The following COL4A5 variants were observed in gnomAD, a reference collection of about 807,000 sequenced individuals.
The protein encoded by COL4A5 is collagen type IV alpha 5 chain.
In COL4A5, 26 loss-of-function variants were observed where a neutral mutation model predicts 130.2. That is an observed-to-expected ratio of 0.20 (90% confidence interval 0.15 to 0.28). The LOEUF (loss-of-function observed/expected upper bound fraction) is 0.28. Among genes scored for constraint, COL4A5 ranks in the 10% least tolerant of loss-of-function variants. The pLI is 1.00. For synonymous variants in COL4A5, 496 were observed against 439.6 expected (o/e 1.13, Z -1.60); for missense variants, 1,131 against 1,344.3 (o/e 0.84, Z 2.48).
In COL4A5 at chrX:108,606,925, T is replaced by C. The variant is rs2066738869; in HGVS notation, c.2395+33T>C. 6 of 1,204,286 alleles carry C rather than the reference T, an allele frequency of 5.0e-6. No homozygotes were observed. The East Asian group carries it at 1.8e-4, about 36-fold the overall frequency. On this transcript the variant is annotated intron_variant, in intron 29 of 52. Transcript: ENST00000328300. Reference sequence around the variant, plus strand: ...GGCTGTCACTGCATCTCAACTTGCTTTTAACTTTTATAGAAATTGACACCT... The same window carrying C: ...GGCTGTCACTGCATCTCAACTTGCTCTTAACTTTTATAGAAATTGACACCT...
At chrX:108,517,802 A>G (rs985016444) in intron 1 of COL4A5, among the ~76,000 whole-genome samples, 10 of 111,806 alleles carry the variant, frequency 8.9e-5, no homozygotes, top group African/African-American at 1.9e-4. Flanking sequence ...ATGTGAAAAA[A>G]TACATCTTAT....
Position 108,696,449 on chromosome X carries a change from C to T in COL4A5, c.*71C>T. The T allele has an allele frequency of 1.2e-6, 1 of 838,487 alleles. No homozygotes were observed. The highest frequency in any genetic ancestry group is 1.7e-6 in the Non-Finnish European group (1 of 575,894). 69.1% of individuals were successfully genotyped at this position (838,487 alleles called of 1,213,427 possible). ...ATATAAAATTCCTAGGATGCAGTGT[C>T]TCATTGTCCCCAACTTTACTACTGC... is the stretch of plus-strand genomic sequence containing the variant. On this transcript the variant is annotated 3_prime_UTR_variant, in exon 53 of 53. Coordinates refer to ENST00000328300, the MANE Select transcript of COL4A5 (RefSeq NM_033380.3).
chrX:108,546,223 G>A (rs2065650413), intron 2 of COL4A5, among the ~76,000 whole-genome samples: 1 of 111,920 alleles, frequency 8.9e-6, no homozygotes, highest in African/African-American at 3.2e-5. Context: ...TTACAATTTG[G>A]CATGATTTTG....
At chrX:108,674,479 T>G in intron 42 of COL4A5, 1 of 275,419 alleles carries the variant, frequency 3.6e-6, no homozygotes, top group Non-Finnish European at 6.4e-6. Context: ...TTCAGTAGAG[T>G]TTTCTATTTT....
intron 1 of COL4A5, chrX:108,462,983 A>C (rs2064668686): frequency 8.9e-6 from 1 of 112,161 alleles, no homozygotes; most frequent in Admixed American, 9.5e-5. Flanking sequence ...TACCAACATT[A>C]AAAAGAGTGA....
chrX:108,571,914 T>C (rs2066071434), intron 8 of COL4A5, 77 bp downstream of exon 8: 2 of 782,373 alleles, frequency 2.6e-6, no homozygotes, highest in African/African-American at 4.1e-5. Flanking sequence ...GGATAATGAC[T>C]CAAACTTCTG....
At chrX:108,578,971 C>A (rs759374411) in intron 13 of COL4A5, among the ~76,000 whole-genome samples, 2 of 111,714 alleles carry the variant, frequency 1.8e-5, no homozygotes, top group South Asian at 7.5e-4. Flanking sequence ...AGCCACCATG[C>A]CTGGCCAAGA....
chrX:108,612,059 A>G (rs912471095), intron 29 of COL4A5, among the ~76,000 whole-genome samples: 6 of 111,830 alleles, frequency 5.4e-5, no homozygotes, highest in African/African-American at 1.9e-4. Context: ...TTATAATCTC[A>G]GTAAATCCTG....
chrX:108,582,504 A>G (rs761118162), intron 16 of COL4A5: 97 of 156,781 alleles, frequency 6.2e-4, no homozygotes, highest in Middle Eastern at 2.6e-3. Context: ...TTTCCTCTCC[A>G]ATTGCTGCTA....
rs980196817 is a variant in COL4A5, at chrX:108,680,850, G to C, written c.4016-35G>C. The C allele has an allele frequency of 2.5e-6, 3 of 1,196,069 alleles. No individual in the cohort carries two copies. The African/African-American group carries it at 5.3e-5, about 21-fold the overall frequency. ...ACTGGGTAAAGGTTGTAGCCCTGTT[G>C]CTTTGCCATAAAACTGTATGTACCT... On this transcript the variant is annotated intron_variant, in intron 45 of 52. Transcript: ENST00000328300.
At chrX:108,492,951 C>A (rs2065005602) in intron 1 of COL4A5, among the ~76,000 whole-genome samples, 1 of 110,843 alleles carries the variant, frequency 9.0e-6, no homozygotes, top group Non-Finnish European at 1.9e-5. Flanking sequence ...GTTTCTCTTT[C>A]TACCAAGCAG....
intron 36 of COL4A5, among the ~76,000 whole-genome samples, chrX:108,643,718 C>G (rs1162741260): frequency 1.8e-5 from 2 of 112,114 alleles, no homozygotes; most frequent in Non-Finnish European, 3.8e-5. Context: ...GAAAGGAGCT[C>G]TAAAACTTGA....
chrX:108,444,663 G>T (rs989661290), intron 1 of COL4A5, among the ~76,000 whole-genome samples: 71 of 112,124 alleles, frequency 6.3e-4, no homozygotes, highest in African/African-American at 2.2e-3. Context: ...AGGTGTCATT[G>T]CCTCTAGGCC....
chrX:108,641,987 C>G (rs760069386), intron 36 of COL4A5, among the ~76,000 whole-genome samples: 1 of 111,716 alleles, frequency 9.0e-6, no homozygotes, highest in Non-Finnish European at 1.9e-5. Context: ...AGGTAGCCTG[C>G]GGCAAGTTCT....
Position 108,639,291 on chromosome X carries a change from G to A in COL4A5, c.3246+12942G>A, listed in dbSNP as rs184757525. ...ACAAGGGTGCTCAATGGGGAAAGGCGTTCAACAAATGCATGCTGGGTAAAA... is the reference window on the plus strand; with the variant it reads ...ACAAGGGTGCTCAATGGGGAAAGGCATTCAACAAATGCATGCTGGGTAAAA... On this transcript the variant is annotated intron_variant, in intron 36 of 52. Transcript: ENST00000328300. Among the ~76,000 whole-genome samples, 392 of 111,086 alleles carry A rather than the reference G, an allele frequency of 3.5e-3. 1 individual carries two copies. The highest frequency in any genetic ancestry group is 6.0e-3 in the Non-Finnish European group (316 of 52,892).
chrX:108,460,444 CT>C lies in COL4A5; in HGVS notation c.81+20244del, dbSNP rs763542422. ...TATGTTGGAAGGAGAGAAATAATAGCTTTTTTCTTCCAGTTCTTATGGTCAG... is the reference window on the plus strand; with the variant it reads ...TATGTTGGAAGGAGAGAAATAATAGCTTTTTCTTCCAGTTCTTATGGTCAG... On this transcript the variant is annotated intron_variant, in intron 1 of 52. Transcript: ENST00000328300. Among the ~76,000 whole-genome samples, 292 of 109,463 alleles carry C rather than the reference CT, an allele frequency of 2.7e-3. 3 individuals carry two copies. Among genetic ancestry groups the C allele is most frequent in the African/African-American group, 9.2e-3 (278 of 30,057 alleles).
In COL4A5 at chrX:108,696,486, G is replaced by T; in HGVS notation, c.*108G>T. ...AACTTTACTACTGCTGCCGTCAATG[G>T]TGCTACTATATATGATCAAGATAAC... On this transcript the variant is annotated 3_prime_UTR_variant, in exon 53 of 53. Transcript: ENST00000328300. 1 of 567,263 alleles carries T rather than the reference G, an allele frequency of 1.8e-6. No individual in the cohort carries two copies. The highest frequency in any genetic ancestry group is 2.8e-5 in the South Asian group (1 of 35,792). 46.7% of individuals were successfully genotyped at this position (567,263 alleles called of 1,213,427 possible). A position where few individuals can be genotyped will look rare whatever the true frequency, so the allele number is the denominator to read the frequency against.
intron 2 of COL4A5, among the ~76,000 whole-genome samples, chrX:108,540,754 A>G: frequency 8.9e-6 from 1 of 112,468 alleles, no homozygotes; most frequent in African/African-American, 3.2e-5. Flanking sequence ...GTTTATTTCT[A>G]TCTTACTTTT....
intron 46 of COL4A5, among the ~76,000 whole-genome samples, 200 bp from the exon 47 acceptor site, chrX:108,681,560 A>G (rs897248515): frequency 1.8e-5 from 2 of 111,844 alleles, no homozygotes; most frequent in Non-Finnish European, 3.8e-5. Flanking sequence ...TAATTTTTAC[A>G]CTGACCCTAA....
Sources: gnomAD v4.1 joint callset for allele counts (sites outside exome capture counted in the v4.1 genomes callset) on GRCh38, gnomAD v4.1.1 for gene constraint, MANE v1.5 for transcripts, NCBI Gene and HGNC (gene_info 2026-07-23, HGNC 2026-07-21) for gene names.